ATP10B: variants seen among roughly 807,000 people sequenced by gnomAD.
ATP10B encodes phospholipid-transporting ATPase VB.
Under a neutral mutation model 141.2 loss-of-function variants are expected in ATP10B, and 122 were observed. The ratio of observed to expected loss-of-function variants is 0.86; its 90% CI spans 0.75 to 1.00. The LOEUF (loss-of-function observed/expected upper bound fraction) is 1.00. ATP10B is among the 50% of genes least tolerant of loss of function. ATP10B has a pLI of 0.00. For missense variants in ATP10B, 1,876 were observed against 1,825.3 expected, an observed-to-expected ratio of 1.03 and a Z score of -0.51; for synonymous variants, 685 against 692.0, an observed-to-expected ratio of 0.99 and a Z score of 0.16.
intron 24 of ATP10B, 32 bp downstream of exon 24, chr5:160,589,560 T>A: frequency 6.4e-7 from 1 of 1,555,850 alleles, no homozygotes; most frequent in Non-Finnish European, 8.9e-7. Context: ...AGGAGCACAG[T>A]TTTGAAGCCA....
At chr5:160,926,052 T>A in the ATP10B span, among the ~76,000 whole-genome samples, 2 of 152,260 alleles carry the variant, frequency 1.3e-5, no homozygotes, top group African/African-American at 4.8e-5. Flanking sequence ...TCAACCAGTT[T>A]GCATTCTAAT....
At chr5:160,697,297 G>A (rs946670300) in intron 3 of ATP10B, among the ~76,000 whole-genome samples, 3 of 152,154 alleles carry the variant, frequency 2.0e-5, no homozygotes, top group African/African-American at 7.2e-5. Flanking sequence ...GGCCTTCGTG[G>A]GAAAGGAATA....
chr5:160,622,408 C>G lies in ATP10B; in HGVS notation c.1798G>C (p.Glu600Gln), dbSNP rs368181743. The G allele has an allele frequency of 1.2e-6, 2 of 1,613,062 alleles. No homozygotes were observed. Among genetic ancestry groups the G allele is most frequent in the Non-Finnish European group, 8.5e-7 (1 of 1,179,674 alleles). ...CTGGTCCTTACCCTCTGCCTGGGCTCGGTGGTTGTGGACACCATGACAGAG... is the reference window on the plus strand; with the variant it reads ...CTGGTCCTTACCCTCTGCCTGGGCTGGGTGGTTGTGGACACCATGACAGAG... The part of the protein sequence containing the change: ...CNSVMVSTTT[E>Q]PRQRVTIKPS... The change falls in exon 14 of 26, where the codon GAG becomes CAG. Residue 600 changes from glutamate (E) to glutamine (Q), a missense_variant. Transcript: ENST00000327245.
the ATP10B span, among the ~76,000 whole-genome samples, chr5:160,870,574 T>C: frequency 4.3e-3 from 653 of 151,648 alleles, 2 homozygotes; most frequent in African/African-American, 0.015. Flanking sequence ...TATCCAAGGA[T>C]GGGACAACTA....
the ATP10B span, among the ~76,000 whole-genome samples, chr5:160,925,860 A>C: frequency 2.0e-5 from 3 of 152,250 alleles, no homozygotes; most frequent in Non-Finnish European, 2.9e-5. Flanking sequence ...AAACAAGACA[A>C]GTGGACAATG....
intron 1 of ATP10B, among the ~76,000 whole-genome samples, chr5:160,822,659 A>G (rs930413816): frequency 2.6e-5 from 4 of 152,154 alleles, no homozygotes; most frequent in African/African-American, 9.7e-5. Context: ...GTACATATAC[A>G]TAATATAGTA....
intron 7 of ATP10B, among the ~76,000 whole-genome samples, chr5:160,660,753 C>T (rs776383686): frequency 3.3e-5 from 5 of 152,210 alleles, no homozygotes; most frequent in Non-Finnish European, 7.3e-5. Flanking sequence ...TATGACATAA[C>T]ATTGACATGC....
At chr5:160,888,141 G>C in the ATP10B span, among the ~76,000 whole-genome samples, 1 of 152,240 alleles carries the variant, frequency 6.6e-6, no homozygotes, top group Non-Finnish European at 1.5e-5. Context: ...CAAAAGTGTA[G>C]ACTGGCCTCT....
chr5:160,793,382 A>G (rs1299588290), intron 1 of ATP10B, among the ~76,000 whole-genome samples: 1 of 152,192 alleles, frequency 6.6e-6, no homozygotes, highest in Non-Finnish European at 1.5e-5. Context: ...CTGGCAAGTA[A>G]TGCAGCTTAA....
chr5:160,725,667 G>A (rs867841483), intron 2 of ATP10B, among the ~76,000 whole-genome samples: 1 of 152,066 alleles, frequency 6.6e-6, no homozygotes, highest in Non-Finnish European at 1.5e-5. Flanking sequence ...GGATGGTCTC[G>A]ATCTCCTGAC....
intron 3 of ATP10B, among the ~76,000 whole-genome samples, chr5:160,706,455 T>G (rs946329154): frequency 1.3e-5 from 2 of 152,168 alleles, no homozygotes; most frequent in African/African-American, 2.4e-5. Flanking sequence ...TTAAGTGGCT[T>G]AAGGTTGCAA....
intron 6 of ATP10B, chr5:160,684,935 C>T (rs756142513): frequency 8.5e-6 from 6 of 703,282 alleles, no homozygotes; most frequent in Admixed American, 2.0e-5. Context: ...GCCAGGATAA[C>T]ACAGATTGGT....
At position 160,632,278 on chromosome 5, in the gene ATP10B, G is replaced by A. The variant is rs762910023; in HGVS notation, c.1471C>T (p.Gln491Ter). 3 of 1,614,180 alleles carry A rather than the reference G, an allele frequency of 1.9e-6. No individual in the cohort carries two copies. The East Asian group carries it at 6.7e-5, about 36-fold the overall frequency. ...QCLSFSARWA[Q>*]DPATMRSQKG... is the part of the protein sequence containing the mutation. The stretch of plus-strand genomic sequence containing the variant: ...TGGCTTCTCATAGTTGCTGGATCCT[G>A]GGCCCATCTAGCCGAGAAGGACAGG... The change falls in exon 13 of 26, where the codon CAG (glutamine) becomes TAG (stop). Residue 491 changes from glutamine to a stop codon, truncating the protein, a stop_gained. Transcript: ENST00000327245. LOFTEE classifies it high-confidence loss of function.
intron 6 of ATP10B, among the ~76,000 whole-genome samples, chr5:160,680,377 T>C (rs1194680370): frequency 6.6e-6 from 1 of 152,208 alleles, no homozygotes; most frequent in African/African-American, 2.4e-5. Context: ...CAAAAGGATA[T>C]GTCTTTTAGC....
chr5:160,865,969 C>T, the ATP10B span, among the ~76,000 whole-genome samples: 29 of 152,138 alleles, frequency 1.9e-4, no homozygotes, highest in East Asian at 5.8e-4. Flanking sequence ...ATGGTGGGAA[C>T]GTAAGCTAAT....
chr5:160,740,937 A>G (rs781334220), intron 2 of ATP10B, among the ~76,000 whole-genome samples: 3 of 152,192 alleles, frequency 2.0e-5, no homozygotes, highest in Non-Finnish European at 2.9e-5. Context: ...TCCCATCTCA[A>G]TGGGACTTTG....
chr5:160,669,526 T>G (rs1316920466), intron 7 of ATP10B, among the ~76,000 whole-genome samples: 1 of 151,670 alleles, frequency 6.6e-6, no homozygotes, highest in African/African-American at 2.4e-5. Context: ...TGAGGTACCA[T>G]TTATGAAAGG....
In ATP10B at chr5:160,717,045, G is replaced by C. The variant is rs1406166267; in HGVS notation, c.-330-11C>G. 3.0e-6 allele frequency: 3 copies of C among 985,202 alleles called. No homozygotes were observed. In the African/African-American group the frequency reaches 5.2e-5, roughly 17 times the overall value. The allele number at this position is 985,202 out of a possible 1,614,324, so 61.0% of individuals were successfully genotyped here. On this transcript the variant is annotated splice_polypyrimidine_tract_variant and intron_variant, in intron 2 of 25. Coordinates refer to ENST00000327245, the MANE Select transcript of ATP10B (RefSeq NM_025153.3). The stretch of plus-strand genomic sequence containing the variant: ...AATAAATTGCAAGTTCTGTAAGCAA[G>C]AAAAGAAAATATTGAGTAGGCAACT...
chr5:160,764,391 G>A (rs974431287), intron 2 of ATP10B, among the ~76,000 whole-genome samples: 1 of 152,062 alleles, frequency 6.6e-6, no homozygotes, highest in Non-Finnish European at 1.5e-5. Flanking sequence ...TACCAGGGAC[G>A]CAGGGCTGGT....
Sources: gnomAD v4.1 joint callset for allele counts (sites outside exome capture counted in the v4.1 genomes callset) on GRCh38, gnomAD v4.1.1 for gene constraint, MANE v1.5 for transcripts, NCBI Gene and HGNC (gene_info 2026-07-23, HGNC 2026-07-21) for gene names.